The following XKR9 variants were observed in gnomAD, a reference collection of about 807,000 sequenced individuals.
XKR9 encodes the protein XK related 9, also known as XK-related protein 9.
In XKR9, 32 loss-of-function variants were observed where a neutral mutation model predicts 32.0. The observed-to-expected ratio is 1.00, with a 90% CI of 0.76 to 1.34. The LOEUF is 1.34. XKR9 is among the 40% of genes most tolerant of loss of function. The pLI, the probability that XKR9 is intolerant of heterozygous loss-of-function variation, is 0.00. For synonymous variants in XKR9, 168 were observed against 143.4 expected, an observed-to-expected ratio of 1.17 and a Z score of -1.22; for missense variants, 546 against 429.7, an observed-to-expected ratio of 1.27 and a Z score of -2.39.
the XKR9 span, among the ~76,000 whole-genome samples, chr8:70,947,403 G>C: frequency 6.6e-6 from 1 of 152,096 alleles, no homozygotes; most frequent in Non-Finnish European, 1.5e-5. Context: ...ACTAGAGAAA[G>C]GTCAAAGGAA....
intron 2 of XKR9, among the ~76,000 whole-genome samples, chr8:70,785,745 A>C (rs546107967): frequency 0.14 from 20,574 of 144,354 alleles, 1,841 homozygotes; most frequent in Non-Finnish European, 0.21. Flanking sequence ...CTCTCTATAT[A>C]TATATATATA....
intron 2 of XKR9, among the ~76,000 whole-genome samples, chr8:70,785,584 G>T (rs1807673921): frequency 6.7e-6 from 1 of 149,164 alleles, no homozygotes; most frequent in African/African-American, 2.5e-5. Flanking sequence ...ATAGCTCTTT[G>T]AGGTAGAATG....
In XKR9 at chr8:70,688,592, A is replaced by G. The variant is rs188704185; in HGVS notation, c.272+7262A>G. Among the ~76,000 whole-genome samples, 1,260 of 151,838 alleles carry G rather than the reference A, an allele frequency of 8.3e-3. 30 individuals are homozygous for G. The highest frequency in any genetic ancestry group is 7.5e-3 in the Non-Finnish European group (511 of 67,950). ...CCACCACGCCTGGCTAATTTTTTGT[A>G]TTTTTAGTAGAGACGGGGTTTCACC... On this transcript the variant is annotated intron_variant, in intron 3 of 4. Transcript: ENST00000408926.
intron 3 of XKR9, among the ~76,000 whole-genome samples, chr8:70,684,500 A>G (rs182141069): frequency 1.2e-3 from 187 of 152,218 alleles, no homozygotes; most frequent in African/African-American, 4.3e-3. Context: ...AATCAAATAT[A>G]TTGTCCTATT....
In XKR9 at chr8:70,674,893, T is replaced by G. The variant is rs532859302; in HGVS notation, c.-285T>G. On this transcript the variant is annotated 5_prime_UTR_variant, in exon 2 of 5. The change creates a new upstream start codon in the 5' untranslated region. Transcript: ENST00000408926. Reference sequence around the variant, plus strand: ...TTGAGTCAAAGATGGCTTTTTATATTTGACAAGTAAGTCTATGTTTTATAT... The same window carrying G: ...TTGAGTCAAAGATGGCTTTTTATATGTGACAAGTAAGTCTATGTTTTATAT... 26 of 152,368 alleles carry G rather than the reference T, an allele frequency of 1.7e-4. No homozygotes were observed. Among genetic ancestry groups the G allele is most frequent in the African/African-American group, 6.3e-4 (26 of 41,582 alleles). 9.4% of individuals were successfully genotyped at this position (152,368 alleles called of 1,614,324 possible). A position where few individuals can be genotyped will look rare whatever the true frequency, so the allele number is the denominator to read the frequency against.
the XKR9 span, among the ~76,000 whole-genome samples, chr8:70,951,090 A>G: frequency 2.4e-4 from 36 of 152,270 alleles, no homozygotes; most frequent in African/African-American, 8.2e-4. Context: ...GCTTTTAGTG[A>G]CACTTTTACT....
chr8:70,780,345 CT>C (rs970063250), intron 2 of XKR9, among the ~76,000 whole-genome samples: 1 of 151,570 alleles, frequency 6.6e-6, no homozygotes. Context: ...AACATTTATT[CT>C]TTTCTAATAT....
rs1283232850 is a variant in XKR9, at chr8:70,707,295, G to A, written c.493+142G>A. Reference sequence around the variant, plus strand: ...GAAAAGGAAGTACAGTAACATGGTTGAAATATCAAAAAGTATATAGATAAT... The same window carrying A: ...GAAAAGGAAGTACAGTAACATGGTTAAAATATCAAAAAGTATATAGATAAT... On this transcript the variant is annotated intron_variant, in intron 4 of 4. Transcript: ENST00000408926. 14 of 616,008 alleles carry A rather than the reference G, an allele frequency of 2.3e-5. No homozygotes were observed. The African/African-American group carries it at 2.6e-4, about 11-fold the overall frequency. The allele number at this position is 616,008 out of a possible 1,614,324, so 38.2% of individuals were successfully genotyped here. A position where few individuals can be genotyped will look rare whatever the true frequency, so the allele number is the denominator to read the frequency against.
chr8:70,675,096 G>A (rs1236515318), intron 2 of XKR9, among the ~76,000 whole-genome samples, 197 bp downstream of exon 2: 1 of 152,126 alleles, frequency 6.6e-6, no homozygotes, highest in African/African-American at 2.4e-5. Context: ...AGCCATTCTT[G>A]CATTGCTGTA....
the XKR9 span, among the ~76,000 whole-genome samples, chr8:70,850,615 A>G: frequency 1.3e-5 from 2 of 152,160 alleles, no homozygotes; most frequent in African/African-American, 4.8e-5. Context: ...TGTCCCTGGG[A>G]TGCAAGGTGG....
chr8:70,868,193 G>T, the XKR9 span, among the ~76,000 whole-genome samples: 1 of 152,124 alleles, frequency 6.6e-6, no homozygotes, highest in Non-Finnish European at 1.5e-5. Flanking sequence ...TGTTGGTGGA[G>T]CTACCATTCT....
the XKR9 span, among the ~76,000 whole-genome samples, chr8:71,020,490 A>C: frequency 6.6e-6 from 1 of 152,218 alleles, no homozygotes; most frequent in Admixed American, 6.5e-5. Flanking sequence ...CCGTAGTATC[A>C]CCTCTGTCAA....
chr8:70,828,491 C>T, the XKR9 span, among the ~76,000 whole-genome samples: 162 of 151,980 alleles, frequency 1.1e-3, 2 homozygotes, highest in African/African-American at 3.5e-3. Context: ...TTTGGGAGGC[C>T]GAGGCGGGCG....
At chr8:70,950,259 T>C in the XKR9 span, among the ~76,000 whole-genome samples, 59 of 152,262 alleles carry the variant, frequency 3.9e-4, no homozygotes, top group African/African-American at 1.4e-3. Flanking sequence ...AGTTGTAAAA[T>C]TGTTAACAAT....
intron 2 of XKR9, among the ~76,000 whole-genome samples, chr8:70,765,453 C>T (rs62532106): frequency 0.073 from 11,047 of 151,972 alleles, 473 homozygotes; most frequent in Non-Finnish European, 0.089. Flanking sequence ...ATTTAAGTGC[C>T]TCATAAATTC....
chr8:71,053,350 G>A, the XKR9 span, among the ~76,000 whole-genome samples: 2 of 152,184 alleles, frequency 1.3e-5, no homozygotes, highest in Non-Finnish European at 2.9e-5. Flanking sequence ...TGATTCTTCA[G>A]AAGGCTGCAC....
intron 2 of XKR9, among the ~76,000 whole-genome samples, chr8:70,758,276 GTCTC>G (rs80272143): frequency 0.072 from 11,021 of 152,044 alleles, 472 homozygotes; most frequent in Non-Finnish European, 0.089. Context: ...GCACCAGTAG[GTCTC>G]TCTCTCACTC....
At chr8:70,833,997 G>A in the XKR9 span, among the ~76,000 whole-genome samples, 3 of 152,064 alleles carry the variant, frequency 2.0e-5, no homozygotes, top group Non-Finnish European at 4.4e-5. Context: ...GTAATGCAAT[G>A]GGTAGCCATG....
At chr8:70,698,464 G>C (rs1156681178) in intron 3 of XKR9, among the ~76,000 whole-genome samples, 3 of 152,136 alleles carry the variant, frequency 2.0e-5, no homozygotes, top group Non-Finnish European at 2.9e-5. Context: ...TTCAGGAGCA[G>C]GTTGTTCAGT....
Sources: gnomAD v4.1 joint callset for allele counts (sites outside exome capture counted in the v4.1 genomes callset) on GRCh38, gnomAD v4.1.1 for gene constraint, MANE v1.5 for transcripts, NCBI Gene and HGNC (gene_info 2026-07-23, HGNC 2026-07-21) for gene names.